Variants in SCML4 observed in about 807,000 individuals in gnomAD.
SCML4 encodes the protein Scm polycomb group protein like 4.
A neutral mutation model predicts 41.1 loss-of-function variants in SCML4; 34 were observed. The ratio of observed to expected loss-of-function variants is 0.83; its 90% CI spans 0.63 to 1.10. The LOEUF (loss-of-function observed/expected upper bound fraction) is 1.10, where lower values mean the gene tolerates loss of function less well. Among genes scored for constraint, SCML4 ranks in the 50% least tolerant of loss-of-function variants. The probability of loss-of-function intolerance (pLI) is 0.00; values close to 1 mark genes in which losing one functional copy is unlikely to be tolerated. For missense variants in SCML4, 522 were observed against 534.1 expected (o/e 0.98, Z 0.22); for synonymous variants, 214 against 220.9 (o/e 0.97, Z 0.28).
At chr6:107,737,224 G>A (rs1777159274) in intron 5 of SCML4, among the ~76,000 whole-genome samples, 1 of 152,172 alleles carries the variant, frequency 6.6e-6, no homozygotes, top group African/African-American at 2.4e-5. Flanking sequence ...ATGCCATTGT[G>A]GACGTGGAAA....
At chr6:107,755,581 T>C (rs770217843) in intron 2 of SCML4, 7 of 1,337,226 alleles carry the variant, frequency 5.2e-6, no homozygotes, top group Non-Finnish European at 6.9e-6. Flanking sequence ...CTCTCTCCAG[T>C]GGAATGGGGG....
intron 5 of SCML4, among the ~76,000 whole-genome samples, chr6:107,732,623 T>TTTGGTCCC: frequency 6.6e-6 from 1 of 152,282 alleles, no homozygotes; most frequent in Admixed American, 6.5e-5. Context: ...TTGACCAAAG[T>TTTGGTCCC]CATCTGTTTG....
Position 107,727,960 on chromosome 6 carries a change from A to C in SCML4, c.683-6967T>G, listed in dbSNP as rs528618277. On this transcript the variant is annotated intron_variant, in intron 5 of 7. Coordinates refer to ENST00000369020, the MANE Select transcript of SCML4 (RefSeq NM_198081.5). Reference sequence around the variant, plus strand: ...GTATCTGGCATGATGCCTGGAATAGAGGAAGTGCTTGATAAATATTTATTG... The same window carrying C: ...GTATCTGGCATGATGCCTGGAATAGCGGAAGTGCTTGATAAATATTTATTG... Among the ~76,000 whole-genome samples, 58 of 152,380 alleles carry C rather than the reference A, an allele frequency of 3.8e-4. No individual in the cohort carries two copies. The South Asian group carries it at 0.012, about 30-fold the overall frequency.
rs113525467 is a variant in SCML4, at chr6:107,809,746, T to C, written c.-60+14380A>G. Among the ~76,000 whole-genome samples the C allele has an allele frequency of 4.0e-3, 610 of 152,148 alleles. 1 individual carries two copies. Among genetic ancestry groups the C allele is most frequent in the African/African-American group, 0.012 (486 of 41,496 alleles). ...GAGTTCAGGATGCCTGTGGAACAGG[T>C]AGGTGGAGATGTCCATTAAAACAGT... On this transcript the variant is annotated intron_variant, in intron 1 of 7. Transcript: ENST00000369020.
rs117704119 is a variant in SCML4 at position 107,741,950 on chromosome 6, C to T, written c.682+2999G>A. On this transcript the variant is annotated intron_variant, in intron 5 of 7. Coordinates refer to ENST00000369020, the MANE Select transcript of SCML4 (RefSeq NM_198081.5). ...ATGGGCAAGGCAAGGGACCAGAAAC[C>T]GACCCTAATAAGATGGTAACACGTG... 4.3e-3 allele frequency among the ~76,000 whole-genome samples: 656 copies of T among 152,204 alleles called. 10 individuals are homozygous for T. The East Asian group carries it at 0.063, about 15-fold the overall frequency.
the SCML4 span, among the ~76,000 whole-genome samples, chr6:107,845,583 T>C: frequency 6.6e-6 from 1 of 152,204 alleles, no homozygotes; most frequent in African/African-American, 2.4e-5. Context: ...ATTAGAACAT[T>C]ACAATCTTAA....
intron 2 of SCML4, among the ~76,000 whole-genome samples, chr6:107,762,632 C>T (rs940110630): frequency 1.3e-4 from 20 of 152,080 alleles, no homozygotes; most frequent in Admixed American, 3.9e-4. Context: ...CAGACACACA[C>T]AGATGGAAGA....
At chr6:107,746,443 G>A (rs1778099999) in intron 4 of SCML4, 1 of 440,644 alleles carries the variant, frequency 2.3e-6, no homozygotes, top group Non-Finnish European at 4.0e-6. Flanking sequence ...AGTTGGAAGT[G>A]GGAAGTGGGA....
At chr6:107,795,224 T>C (rs1562265798) in intron 1 of SCML4, among the ~76,000 whole-genome samples, 1 of 152,184 alleles carries the variant, frequency 6.6e-6, no homozygotes, top group Non-Finnish European at 1.5e-5. Context: ...TAAAGCAGTC[T>C]TTTGCTGTCA....
intron 4 of SCML4, 101 bp from the exon 5 acceptor site, chr6:107,745,244 T>G: frequency 1.2e-6 from 1 of 854,522 alleles, no homozygotes; most frequent in Admixed American, 2.8e-5. Context: ...TTTTGTTTTG[T>G]TGCTAAGCAG....
intron 1 of SCML4, among the ~76,000 whole-genome samples, chr6:107,803,090 G>C (rs576901831): frequency 6.6e-6 from 1 of 151,900 alleles, no homozygotes; most frequent in African/African-American, 2.4e-5. Flanking sequence ...ATCTCGGCTC[G>C]CTACAACTTC....
the SCML4 span, among the ~76,000 whole-genome samples, chr6:107,832,822 C>A: frequency 6.6e-6 from 1 of 152,204 alleles, no homozygotes; most frequent in Non-Finnish European, 1.5e-5. Context: ...GCGCGCCGCA[C>A]ATGTGACCTC....
chr6:107,789,791 G>A (rs994656361), intron 1 of SCML4, among the ~76,000 whole-genome samples: 4 of 152,150 alleles, frequency 2.6e-5, no homozygotes, highest in East Asian at 3.9e-4. Context: ...CATGTCCCCC[G>A]GGCTGTGGGC....
At chr6:107,805,394 TATC>T (rs1314027577) in intron 1 of SCML4, among the ~76,000 whole-genome samples, 1 of 152,176 alleles carries the variant, frequency 6.6e-6, no homozygotes, top group Non-Finnish European at 1.5e-5. Flanking sequence ...AAACATCAGA[TATC>T]ATCTTTTTTA....
the SCML4 span, among the ~76,000 whole-genome samples, chr6:107,836,199 C>T: frequency 6.6e-6 from 1 of 152,012 alleles, no homozygotes; most frequent in African/African-American, 2.4e-5. Context: ...CAAATTCATA[C>T]ATCCTGTTAA....
At chr6:107,709,574 T>A (rs1038342510) in intron 6 of SCML4, among the ~76,000 whole-genome samples, 1 of 152,210 alleles carries the variant, frequency 6.6e-6, no homozygotes. Flanking sequence ...CTGTGGCTGG[T>A]GCTTTGACTT....
chr6:107,819,565 A>G (rs1186383694), intron 1 of SCML4, among the ~76,000 whole-genome samples: 1 of 151,796 alleles, frequency 6.6e-6, no homozygotes, highest in African/African-American at 2.4e-5. Context: ...AGCCCAGCCA[A>G]TTTCTCAAAA....
chr6:107,806,764 A>T (rs1040728180), intron 1 of SCML4, among the ~76,000 whole-genome samples: 1 of 152,184 alleles, frequency 6.6e-6, no homozygotes, highest in Admixed American at 6.5e-5. Flanking sequence ...GTGAGGATGG[A>T]GGTTTAGTGT....
chr6:107,758,248 A>C (rs541818317), intron 2 of SCML4, among the ~76,000 whole-genome samples: 2 of 152,300 alleles, frequency 1.3e-5, no homozygotes, highest in South Asian at 4.1e-4. Flanking sequence ...TCAGGATGTG[A>C]GTGGCTAGAG....
Sources: allele counts gnomAD v4.1 joint callset (sites outside exome capture counted in the v4.1 genomes callset), GRCh38; gene constraint gnomAD v4.1.1; transcripts MANE v1.5; gene names NCBI Gene and HGNC (gene_info 2026-07-23, HGNC 2026-07-21).